ZNF362: variants seen among roughly 807,000 people sequenced by gnomAD.
ZNF362 encodes rotund homolog.
ZNF362 carries 11 observed loss-of-function variants against 42.9 expected under a neutral mutation model. That is an observed-to-expected ratio of 0.26 (90% CI 0.16 to 0.42). ZNF362 has a LOEUF of 0.42. Among genes scored for constraint, ZNF362 ranks in the 20% least tolerant of loss-of-function variants. The pLI is 1.00. For synonymous variants in ZNF362, 255 were observed against 257.3 expected, an observed-to-expected ratio of 0.99 and a Z score of 0.09; for missense variants, 362 against 576.2, an observed-to-expected ratio of 0.63 and a Z score of 3.81.
the ZNF362 span, among the ~76,000 whole-genome samples, chr1:33,220,523 C>T: frequency 6.6e-6 from 1 of 152,016 alleles, no homozygotes; most frequent in Non-Finnish European, 1.5e-5. Flanking sequence ...AAACCCACCC[C>T]CCTACAGTCA....
chr1:33,150,265 G>C, the ZNF362 span, among the ~76,000 whole-genome samples: 1 of 152,206 alleles, frequency 6.6e-6, no homozygotes, highest in Non-Finnish European at 1.5e-5. Flanking sequence ...GGCGAAGTGG[G>C]GACATGGTTA....
At chr1:33,130,238 T>C in the ZNF362 span, among the ~76,000 whole-genome samples, 2 of 152,340 alleles carry the variant, frequency 1.3e-5, no homozygotes, top group Admixed American at 1.3e-4. Context: ...CCTTAATGAT[T>C]TCACATCCCA....
chr1:33,151,009 G>T, the ZNF362 span, among the ~76,000 whole-genome samples: 1 of 152,140 alleles, frequency 6.6e-6, no homozygotes, highest in Non-Finnish European at 1.5e-5. Context: ...CAGAAGGACT[G>T]GTGCGGGGCG....
the ZNF362 span, among the ~76,000 whole-genome samples, chr1:33,238,567 C>T: frequency 1.3e-5 from 2 of 151,980 alleles, no homozygotes; most frequent in Non-Finnish European, 2.9e-5. Context: ...ATCAATGCAG[C>T]TAGAAAGGAA....
At chr1:33,142,900 GATA>G in the ZNF362 span, 1 of 151,958 alleles carries the variant, frequency 6.6e-6, no homozygotes, top group Non-Finnish European at 1.5e-5. Context: ...CAAACACTGA[GATA>G]ATGATACCAA....
At chr1:33,195,934 T>G in the ZNF362 span, 2 of 152,346 alleles carry the variant, frequency 1.3e-5, no homozygotes, top group Middle Eastern at 6.8e-3. Context: ...TTTTAAAAAC[T>G]TTTGGGCTCT....
the ZNF362 span, among the ~76,000 whole-genome samples, chr1:33,235,993 C>T: frequency 6.6e-6 from 1 of 152,102 alleles, no homozygotes; most frequent in Non-Finnish European, 1.5e-5. Flanking sequence ...TTAGGGTAGA[C>T]CTTAGAGGGA....
chr1:33,177,270 A>G, the ZNF362 span, among the ~76,000 whole-genome samples: 2 of 152,216 alleles, frequency 1.3e-5, no homozygotes, highest in Non-Finnish European at 2.9e-5. This position sits in a 1 kb window ranked among gnomAD's most constrained non-coding sequence, Gnocchi z 4.1. Flanking sequence ...TTAATTTTAT[A>G]ATCAGAATAA....
chr1:33,253,034 C>G (rs1164802376), upstream of ZNF362, among the ~76,000 whole-genome samples: 5 of 151,466 alleles, frequency 3.3e-5, no homozygotes, highest in African/African-American at 1.2e-4. Context: ...GGAAAGTGCC[C>G]TTTCTATGTG....
the ZNF362 span, chr1:33,165,491 G>A: frequency 3.7e-6 from 6 of 1,607,266 alleles, no homozygotes; most frequent in South Asian, 5.6e-5. The surrounding 1 kb of genome is among the most constrained non-coding windows in gnomAD (Gnocchi z 4.0). Context: ...GCCAGTTGTC[G>A]CTTGAGCAGC....
At chr1:33,179,365 C>T in the ZNF362 span, among the ~76,000 whole-genome samples, 1 of 152,140 alleles carries the variant, frequency 6.6e-6, no homozygotes, top group Non-Finnish European at 1.5e-5. Context: ...GAACATGGGC[C>T]ATTTCTCCTG....
At chr1:33,150,594 C>T in the ZNF362 span, among the ~76,000 whole-genome samples, 2 of 152,158 alleles carry the variant, frequency 1.3e-5, no homozygotes, top group African/African-American at 4.8e-5. Context: ...ACATAGAAGA[C>T]GGGGAACCAA....
chr1:33,243,880 G>C, the ZNF362 span, among the ~76,000 whole-genome samples: 1 of 151,740 alleles, frequency 6.6e-6, no homozygotes, highest in African/African-American at 2.4e-5. Context: ...GCAAAGTGCT[G>C]GGATTACAGG....
At chr1:33,298,311 C>T (rs1017686906) in intron 8 of ZNF362, among the ~76,000 whole-genome samples, 3 of 152,152 alleles carry the variant, frequency 2.0e-5, no homozygotes, top group Admixed American at 6.5e-5. Context: ...GATTGTGCCA[C>T]AGCATTCCAG....
upstream of ZNF362, among the ~76,000 whole-genome samples, chr1:33,255,051 C>G (rs1281863993): frequency 6.6e-6 from 1 of 152,152 alleles, no homozygotes; most frequent in East Asian, 1.9e-4. Flanking sequence ...TCCCGCCATG[C>G]TTTAACATTC....
chr1:33,132,051 G>T, the ZNF362 span, among the ~76,000 whole-genome samples: 1 of 152,198 alleles, frequency 6.6e-6, no homozygotes, highest in Admixed American at 6.5e-5. Context: ...AATGTGACCG[G>T]GCTCCATTTT....
the ZNF362 span, among the ~76,000 whole-genome samples, chr1:33,140,492 C>T: frequency 1.3e-5 from 2 of 152,216 alleles, no homozygotes; most frequent in South Asian, 4.1e-4. This position sits in a 1 kb window ranked among gnomAD's most constrained non-coding sequence, Gnocchi z 4.0. Context: ...AGGAAGCAGG[C>T]ACAGGGGCTC....
At chr1:33,259,796 G>A (rs140390504) in intron 1 of ZNF362, among the ~76,000 whole-genome samples, 42 of 152,336 alleles carry the variant, frequency 2.8e-4, no homozygotes, top group Non-Finnish European at 4.4e-4. Context: ...CCCAGGGGAG[G>A]TCTCTCAGAG....
In ZNF362 at chr1:33,256,645, G is replaced by A. The variant is rs1160472411; in HGVS notation, c.-98G>A. 6.9e-6 allele frequency: 1 copy of A among 145,854 alleles called. No homozygotes were observed. Among genetic ancestry groups the A allele is most frequent in the Non-Finnish European group, 1.5e-5 (1 of 65,570 alleles). The allele number at this position is 145,854 out of a possible 1,614,324, so 9.0% of individuals were successfully genotyped here. ...CGGCCGCGTCCCGGAGGCGCCGCCA[G>A]CACAGCCAGGTCCGTGCGGGCCCGG... On this transcript the variant is annotated 5_prime_UTR_variant, in exon 1 of 9. Coordinates refer to ENST00000539719, the MANE Select transcript of ZNF362 (RefSeq NM_152493.3).
Sources: allele counts gnomAD v4.1 joint callset (sites outside exome capture counted in the v4.1 genomes callset), GRCh38; gene constraint gnomAD v4.1.1; non-coding constraint Gnocchi (gnomAD v3.1); transcripts MANE v1.5; gene names NCBI Gene and HGNC (gene_info 2026-07-23, HGNC 2026-07-21).